Variants in ZNF699 observed in about 807,000 individuals in gnomAD.
ZNF699 encodes hangover homolog.
In ZNF699, 18 loss-of-function variants were observed where a neutral mutation model predicts 22.5. The observed-to-expected ratio is 0.80, with a 90% CI of 0.55 to 1.19. The LOEUF (loss-of-function observed/expected upper bound fraction) is 1.19, where lower values mean the gene tolerates loss of function less well. ZNF699 is among the 50% of genes most tolerant of loss of function. The pLI is 0.00. For synonymous variants in ZNF699, 241 were observed against 262.3 expected (o/e 0.92, Z 0.78); for missense variants, 670 against 763.4 (o/e 0.88, Z 1.44).
At chr19:9,301,821 C>T (rs1319207313) in intron 3 of ZNF699, among the ~76,000 whole-genome samples, 1 of 152,190 alleles carries the variant, frequency 6.6e-6, no homozygotes, top group Admixed American at 6.5e-5. Flanking sequence ...TTTATACCCA[C>T]ACTTTCGATA....
chr19:9,302,852 G>A (rs2066312894), intron 2 of ZNF699, among the ~76,000 whole-genome samples: 1 of 152,024 alleles, frequency 6.6e-6, no homozygotes. Context: ...GTGAGAATCA[G>A]TCTCTACTAA....
Position 9,309,726 on chromosome 19 carries a change from C to T in ZNF699, c.-382G>A, listed in dbSNP as rs1193342203. 6.6e-6 allele frequency: 1 copy of T among 152,522 alleles called. No individual in the cohort carries two copies. Among genetic ancestry groups the T allele is most frequent in the Non-Finnish European group, 1.5e-5 (1 of 68,258 alleles). 9.4% of individuals were successfully genotyped at this position (152,522 alleles called of 1,614,324 possible). Reference sequence around the variant, plus strand: ...CCCTCGGTCTCCCGCGGACCCGACCCGGGGCAGGCAGGGCGGGGCGGGGCA... The same window carrying T: ...CCCTCGGTCTCCCGCGGACCCGACCTGGGGCAGGCAGGGCGGGGCGGGGCA... On this transcript the variant is annotated 5_prime_UTR_variant, in exon 1 of 6. Transcript: ENST00000591998.
rs547663056 is a variant in ZNF699, at chr19:9,302,897, G to C, written c.49-393C>G. 7.2e-5 allele frequency among the ~76,000 whole-genome samples: 11 copies of C among 152,216 alleles called. No individual in the cohort carries two copies. In the South Asian group the frequency reaches 2.3e-3, roughly 32 times the overall value. On this transcript the variant is annotated intron_variant, in intron 2 of 5. Coordinates refer to ENST00000591998, the MANE Select transcript of ZNF699 (RefSeq NM_198535.3). ...AAAAAATAGCTGGGCGTGGTGGCATGTGCCTATGGTGGCAGCTACTCCGGA... is the reference window on the plus strand; with the variant it reads ...AAAAAATAGCTGGGCGTGGTGGCATCTGCCTATGGTGGCAGCTACTCCGGA...
chr19:9,308,528 G>A (rs1374860297), intron 1 of ZNF699, among the ~76,000 whole-genome samples: 1 of 152,164 alleles, frequency 6.6e-6, no homozygotes, highest in Admixed American at 6.5e-5. Context: ...GTCAGGCCGG[G>A]TGCAGTGGCT....
chr19:9,301,337 T>C (rs1262255006), intron 3 of ZNF699, among the ~76,000 whole-genome samples: 1 of 152,116 alleles, frequency 6.6e-6, no homozygotes, highest in East Asian at 1.9e-4. Context: ...AATGGAATGA[T>C]GCATCTGTAA....
chr19:9,296,109 G>C lies in ZNF699; in HGVS notation c.1295C>G (p.Thr432Ser). The C allele has an allele frequency of 6.2e-7, 1 of 1,613,868 alleles. No homozygotes were observed. Among genetic ancestry groups the C allele is most frequent in the Non-Finnish European group, 8.5e-7 (1 of 1,179,980 alleles). ...LECGKAFYLPTSLNTHVKNQS... is the reference protein window; with the variant it reads ...LECGKAFYLPSSLNTHVKNQS... ...ATTTTTCACATGTGTATTAAGGGAA[G>C]TGGGAAGGTAGAAGGCCTTTCCACA... Residue 432 changes from threonine (T) to serine (S), a missense_variant, in exon 6 of 6, where the codon ACT becomes AGT. By Grantham distance (58) the Thr-to-Ser change is moderately conservative. Coordinates refer to ENST00000591998, the MANE Select transcript of ZNF699 (RefSeq NM_198535.3).
At position 9,295,684 on chromosome 19, in the gene ZNF699, G is replaced by T; in HGVS notation, c.1720C>A (p.Leu574Ile). 6.2e-7 allele frequency: 1 copy of T among 1,613,890 alleles called. No homozygotes were observed. The highest frequency in any genetic ancestry group is 1.3e-5 in the African/African-American group (1 of 74,936). The stretch of plus-strand genomic sequence containing the variant: ...GTGTGCATTCTTGCATGTACAGTAA[G>T]GTATGAAGAATGACGAAATGCTTTC... ...CGKAFRHSSY[L>I]TVHARMHTGE... is the part of the protein sequence containing the mutation. The change falls in exon 6 of 6, where the codon CTT (leucine) becomes ATT (isoleucine). Residue 574 changes from leucine to isoleucine, a missense_variant. Physicochemically the swap from Leu to Ile is conservative, Grantham distance 5 (BLOSUM62 2). Coordinates refer to ENST00000591998, the MANE Select transcript of ZNF699 (RefSeq NM_198535.3).
Position 9,297,349 on chromosome 19 carries a change from G to GT in ZNF699, c.416dup (p.Asn139LysfsTer8). Reference sequence around the variant, plus strand: ...GATAATCAATACCACAGGACTCCTGGTTTTCATGTAAACTGGAGAACCAGG... The same window carrying GT: ...GATAATCAATACCACAGGACTCCTGGTTTTTCATGTAAACTGGAGAACCAGG... On this transcript the variant is annotated frameshift_variant, in exon 5 of 6. Coordinates refer to ENST00000591998, the MANE Select transcript of ZNF699 (RefSeq NM_198535.3). LOFTEE classifies it high-confidence loss of function. The surrounding 1 kb of genome is among the most constrained non-coding windows in gnomAD (Gnocchi z 4.3). 1 of 1,603,388 alleles carries GT rather than the reference G, an allele frequency of 6.2e-7. No homozygotes were observed. The highest frequency in any genetic ancestry group is 8.5e-7 in the Non-Finnish European group (1 of 1,178,212).
chr19:9,309,777 C>T lies in ZNF699; in HGVS notation c.-433G>A, dbSNP rs1359918438. On this transcript the variant is annotated 5_prime_UTR_variant, in exon 1 of 6. Transcript: ENST00000591998. ...GGGCAGGACAGGAAGCGGGCGGAGG[C>T]AAAAATGTTCCTCAGACGCGGGCGG... is the stretch of plus-strand genomic sequence containing the variant. The T allele has an allele frequency of 6.6e-6, 1 of 152,666 alleles. No individual in the cohort carries two copies. Among genetic ancestry groups the T allele is most frequent in the African/African-American group, 2.4e-5 (1 of 41,428 alleles). The allele number at this position is 152,666 out of a possible 1,614,324, so 9.5% of individuals were successfully genotyped here. A position where few individuals can be genotyped will look rare whatever the true frequency, so the allele number is the denominator to read the frequency against.
chr19:9,296,159 T>G lies in ZNF699; in HGVS notation c.1245A>C (p.Gly415=), dbSNP rs2066285236. The G allele has an allele frequency of 5.6e-6, 9 of 1,613,798 alleles. No homozygotes were observed. Among genetic ancestry groups the G allele is most frequent in the Non-Finnish European group, 7.6e-6 (9 of 1,179,970 alleles). Residue 415 remains glycine, a synonymous_variant, in exon 6 of 6, where the codon GGA becomes GGC. Coordinates refer to ENST00000591998, the MANE Select transcript of ZNF699 (RefSeq NM_198535.3). The part of the protein sequence containing the change: ...SLSIHMRKHT[G]EKPYECLECG... ...ATTCCAGACATTCATACGGTTTTTC[T>G]CCAGTGTGTTTTCTCATATGGATAC...
At chr19:9,301,449 C>T (rs2066306862) in intron 3 of ZNF699, among the ~76,000 whole-genome samples, 2 of 152,128 alleles carry the variant, frequency 1.3e-5, no homozygotes, top group African/African-American at 4.8e-5. Flanking sequence ...CTGCTGATCC[C>T]TTGATTTCAG....
Position 9,297,897 on chromosome 19 carries a change from A to G in ZNF699, c.269T>C (p.Met90Thr). 3.1e-6 allele frequency: 5 copies of G among 1,613,668 alleles called. No homozygotes were observed. Among genetic ancestry groups the G allele is most frequent in the Non-Finnish European group, 3.4e-6 (4 of 1,179,802 alleles). The change falls in exon 4 of 6, where the codon ATG becomes ACG. Residue 90 changes from methionine to threonine, a missense_variant. Met to Thr is a moderately conservative substitution (Grantham distance 81). Transcript: ENST00000591998. This position sits in a 1 kb window ranked among gnomAD's most constrained non-coding sequence, Gnocchi z 4.3. ...VKRELIQGIF[M>T]GEHREGFETQ... The stretch of plus-strand genomic sequence containing the variant: ...GTTCTTGCCTTCCCGGTGCTCTCCC[A>G]TAAAGATGCCCTGGATAAGTTCTCT...
In ZNF699 at chr19:9,293,703, G is replaced by A. The variant is rs73504722; in HGVS notation, c.*1772C>T. Among the ~76,000 whole-genome samples the A allele has an allele frequency of 0.064, 9,727 of 152,124 alleles. 739 individuals carry two copies. Among genetic ancestry groups the A allele is most frequent in the African/African-American group, 0.19 (7,807 of 41,450 alleles). On this transcript the variant is annotated 3_prime_UTR_variant, in exon 6 of 6. Transcript: ENST00000591998. The stretch of plus-strand genomic sequence containing the variant: ...GGAAATGTTCTGTTTACCAGGACAT[G>A]TACATACATGAAATGTCATTAAGCT...
At chr19:9,308,440 G>C (rs1296811293) in intron 1 of ZNF699, among the ~76,000 whole-genome samples, 1 of 151,818 alleles carries the variant, frequency 6.6e-6, no homozygotes, top group Non-Finnish European at 1.5e-5. Context: ...CTAGAAAGTA[G>C]TACAACTTTC....
chr19:9,305,061 C>G lies in ZNF699; in HGVS notation c.48+11G>C. ...AAATATTCTTTTGGACAATTATCAC[C>G]TTTTACTTACCTGTATTCTATTTTT... On this transcript the variant is annotated intron_variant, in intron 2 of 5. Coordinates refer to ENST00000591998, the MANE Select transcript of ZNF699 (RefSeq NM_198535.3). 1 of 1,609,364 alleles carries G rather than the reference C, an allele frequency of 6.2e-7. No individual in the cohort carries two copies. Among genetic ancestry groups the G allele is most frequent in the Non-Finnish European group, 8.5e-7 (1 of 1,175,964 alleles).
chr19:9,309,093 C>A (rs1160653141), intron 1 of ZNF699, among the ~76,000 whole-genome samples: 1 of 151,736 alleles, frequency 6.6e-6, no homozygotes, highest in Non-Finnish European at 1.5e-5. Context: ...GCAACCTCTG[C>A]CTCCCGAGTA....
At chr19:9,302,271 C>G in intron 3 of ZNF699, 107 bp downstream of exon 3, 2 of 1,344,884 alleles carry the variant, frequency 1.5e-6, no homozygotes, top group Non-Finnish European at 2.1e-6. Flanking sequence ...ATCTGTCTTA[C>G]TTACCAATGT....
rs1327621493 is a variant in ZNF699 at position 9,296,204 on chromosome 19, G to A, written c.1200C>T (p.Tyr400=). Reference sequence around the variant, plus strand: ...GGATACTTAAGGAGGAGGGACAATTGTAGGCTTTCCCACATTCCTTACATT... The same window carrying A: ...GGATACTTAAGGAGGAGGGACAATTATAGGCTTTCCCACATTCCTTACATT... The part of the protein sequence containing the change: ...PYKCKECGKA[Y]NCPSSLSIHM... Residue 400 remains tyrosine, a synonymous_variant, in exon 6 of 6, where the codon TAC becomes TAT. Coordinates refer to ENST00000591998, the MANE Select transcript of ZNF699 (RefSeq NM_198535.3). 6.2e-7 allele frequency: 1 copy of A among 1,610,334 alleles called. No homozygotes were observed. Among genetic ancestry groups the A allele is most frequent in the Non-Finnish European group, 8.5e-7 (1 of 1,178,830 alleles).
chr19:9,291,969 T>C lies in ZNF699; in HGVS notation c.*3506A>G, dbSNP rs1465782476. Among the ~76,000 whole-genome samples the C allele has an allele frequency of 3.9e-5, 6 of 152,136 alleles. No homozygotes were observed. Among genetic ancestry groups the C allele is most frequent in the Admixed American group, 3.3e-4 (5 of 15,270 alleles). The stretch of plus-strand genomic sequence containing the variant: ...CGCCCACCTCGGCCTCCCAAAGTGC[T>C]GGGATTATAGGCATGAGCCACTGTG... On this transcript the variant is annotated 3_prime_UTR_variant, in exon 6 of 6. Transcript: ENST00000591998.
Sources: gnomAD v4.1 joint callset for allele counts (sites outside exome capture counted in the v4.1 genomes callset) on GRCh38, gnomAD v4.1.1 for gene constraint, Gnocchi (gnomAD v3.1) non-coding constraint, MANE v1.5 for transcripts, NCBI Gene and HGNC (gene_info 2026-07-23, HGNC 2026-07-21) for gene names.